Variants in EHBP1 observed in about 807,000 individuals in gnomAD.
EHBP1 encodes the protein EH domain binding protein 1.
EHBP1 carries 55 observed loss-of-function variants against 144.0 expected under a neutral mutation model. That is an observed-to-expected ratio of 0.38 (90% confidence interval 0.31 to 0.48). EHBP1 has a LOEUF of 0.48. Among genes scored for constraint, EHBP1 ranks in the 20% least tolerant of loss-of-function variants. EHBP1 has a pLI of 0.98. For synonymous variants in EHBP1, 469 were observed against 472.7 expected, an observed-to-expected ratio of 0.99 and a Z score of 0.10; for missense variants, 1,200 against 1,364.2, an observed-to-expected ratio of 0.88 and a Z score of 1.90.
intron 10 of EHBP1, among the ~76,000 whole-genome samples, chr2:62,935,695 T>C (rs1189259780): frequency 6.6e-6 from 1 of 152,192 alleles, no homozygotes; most frequent in Non-Finnish European, 1.5e-5. Context: ...TGTCTTTTTC[T>C]GACCTTAATG....
intron 21 of EHBP1, among the ~76,000 whole-genome samples, chr2:63,043,727 TG>T (rs1295315275): frequency 6.6e-6 from 1 of 151,934 alleles, no homozygotes; most frequent in Non-Finnish European, 1.5e-5. Context: ...GTGTGGTTTG[TG>T]AAGATTCACA....
chr2:62,929,379 A>C (rs1255765209), intron 10 of EHBP1, among the ~76,000 whole-genome samples: 3 of 152,184 alleles, frequency 2.0e-5, no homozygotes, highest in African/African-American at 7.2e-5. Context: ...ATTACATACC[A>C]CAACCAAGTG....
chr2:63,009,752 T>G (rs1369330886), intron 19 of EHBP1, among the ~76,000 whole-genome samples: 1 of 151,526 alleles, frequency 6.6e-6, no homozygotes, highest in African/African-American at 2.4e-5. Flanking sequence ...TAGTCCCTCC[T>G]TATCCTCAGG....
intron 2 of EHBP1, among the ~76,000 whole-genome samples, chr2:62,719,024 C>G (rs2035954071): frequency 6.7e-6 from 1 of 149,028 alleles, no homozygotes; most frequent in Non-Finnish European, 1.5e-5. Context: ...TCCCATCACT[C>G]AGGCTGGAGT....
At chr2:63,033,723 TTACA>T (rs1272666475) in intron 19 of EHBP1, among the ~76,000 whole-genome samples, 1 of 151,786 alleles carries the variant, frequency 6.6e-6, no homozygotes, top group East Asian at 1.9e-4. Flanking sequence ...TAAATAAAAA[TTACA>T]TACAGATTCT....
chr2:62,908,174 TG>T (rs1338804329), intron 10 of EHBP1, among the ~76,000 whole-genome samples: 1 of 152,226 alleles, frequency 6.6e-6, no homozygotes, highest in Non-Finnish European at 1.5e-5. Flanking sequence ...GAAAGAACTT[TG>T]GTAGTTTAAA....
intron 1 of EHBP1, among the ~76,000 whole-genome samples, chr2:62,676,009 G>T (rs763741422): frequency 1.3e-5 from 2 of 152,160 alleles, no homozygotes; most frequent in Non-Finnish European, 2.9e-5. Flanking sequence ...GCCAGCCTTG[G>T]CCTCCCAAAG....
At chr2:62,885,923 A>G (rs1256073365) in intron 10 of EHBP1, among the ~76,000 whole-genome samples, 1 of 152,182 alleles carries the variant, frequency 6.6e-6, no homozygotes, top group Non-Finnish European at 1.5e-5. Flanking sequence ...CAGCTAAATA[A>G]CTGAAGTCTT....
intron 1 of EHBP1, among the ~76,000 whole-genome samples, chr2:62,680,043 C>T (rs2033456630): frequency 6.6e-6 from 1 of 152,198 alleles, no homozygotes. Flanking sequence ...GGGATTTGTC[C>T]TTCCCTTATA....
At chr2:63,023,303 T>C (rs2060835177) in intron 19 of EHBP1, among the ~76,000 whole-genome samples, 1 of 152,194 alleles carries the variant, frequency 6.6e-6, no homozygotes, top group Non-Finnish European at 1.5e-5. Flanking sequence ...TTTGGAGGAA[T>C]TTTTTAGAGA....
intron 14 of EHBP1, among the ~76,000 whole-genome samples, chr2:62,969,736 T>G (rs1307977277): frequency 1.3e-5 from 2 of 152,242 alleles, no homozygotes; most frequent in African/African-American, 4.8e-5. Context: ...CTTTCCACTC[T>G]GTTTTGCAAC....
chr2:62,862,203 A>G (rs2049618647), intron 8 of EHBP1, among the ~76,000 whole-genome samples: 1 of 152,164 alleles, frequency 6.6e-6, no homozygotes, highest in South Asian at 2.1e-4. Flanking sequence ...TTGCTTCTCC[A>G]TGGTGTACAG....
intron 14 of EHBP1, among the ~76,000 whole-genome samples, chr2:62,973,304 T>G (rs2058575619): frequency 6.6e-6 from 1 of 152,238 alleles, no homozygotes; most frequent in African/African-American, 2.4e-5. Flanking sequence ...TGAAATACAC[T>G]TAAACTTAGT....
At chr2:62,857,044 A>G (rs925928576) in intron 7 of EHBP1, among the ~76,000 whole-genome samples, 2 of 152,148 alleles carry the variant, frequency 1.3e-5, no homozygotes, top group African/African-American at 4.8e-5. Context: ...AGACTTCTAG[A>G]CAAGGTTGGC....
intron 3 of EHBP1, 145 bp downstream of exon 3, chr2:62,747,597 C>A: frequency 1.5e-6 from 1 of 653,332 alleles, no homozygotes; most frequent in East Asian, 2.8e-5. Flanking sequence ...TGATCAGATG[C>A]TATAATCTTT....
intron 5 of EHBP1, among the ~76,000 whole-genome samples, chr2:62,789,606 C>T (rs1201942256): frequency 6.6e-6 from 1 of 152,198 alleles, no homozygotes; most frequent in Non-Finnish European, 1.5e-5. Flanking sequence ...AAGATGACAG[C>T]TGCCAAAGTC....
intron 7 of EHBP1, among the ~76,000 whole-genome samples, chr2:62,841,335 TG>T (rs2047835325): frequency 9.4e-6 from 1 of 106,418 alleles, no homozygotes; most frequent in South Asian, 3.2e-4. Flanking sequence ...CTCTGGGGAC[TG>T]TGGTGGGGTG....
At position 62,752,511 on chromosome 2, in the gene EHBP1, T is replaced by C. The variant is rs1401991613; in HGVS notation, c.162+5059T>C. On this transcript the variant is annotated intron_variant, in intron 3 of 22. Coordinates refer to ENST00000431489, the MANE Select transcript of EHBP1 (RefSeq NM_001142616.3). Reference sequence around the variant, plus strand: ...CTATTAGGTCTGCTTGGTGCAGAGCTGAGTTCAGTTCCTGGATATCCTTGT... The same window carrying C: ...CTATTAGGTCTGCTTGGTGCAGAGCCGAGTTCAGTTCCTGGATATCCTTGT... Among the ~76,000 whole-genome samples, 7 of 152,192 alleles carry C rather than the reference T, an allele frequency of 4.6e-5. No individual in the cohort carries two copies. In the East Asian group the frequency reaches 1.3e-3, roughly 29 times the overall value.
At chr2:62,745,491 G>GT (rs1558593532) in intron 2 of EHBP1, among the ~76,000 whole-genome samples, 2 of 151,796 alleles carry the variant, frequency 1.3e-5, no homozygotes, top group African/African-American at 2.4e-5. Context: ...GGAAGAGGAA[G>GT]TTTTTTTGTG....
Sources: allele counts gnomAD v4.1 joint callset (sites outside exome capture counted in the v4.1 genomes callset), GRCh38; gene constraint gnomAD v4.1.1; transcripts MANE v1.5; gene names NCBI Gene and HGNC (gene_info 2026-07-23, HGNC 2026-07-21).